The following DNHD1 variants were observed in gnomAD, a reference collection of about 807,000 sequenced individuals.
DNHD1 encodes dynein heavy chain domain 1, also known as dynein heavy chain domain-containing protein 1.
DNHD1 carries 383 observed loss-of-function variants against 458.1 expected under a neutral mutation model. The observed-to-expected ratio is 0.84, with a 90% CI of 0.77 to 0.91. The LOEUF is 0.91. DNHD1 is among the 40% of genes least tolerant of loss of function. The probability of loss-of-function intolerance (pLI) is 0.00; values close to 1 mark genes in which losing one functional copy is unlikely to be tolerated. For synonymous variants in DNHD1, 2,203 were observed against 2,376.9 expected (o/e 0.93, Z 2.13); for missense variants, 5,336 against 5,866.1 (o/e 0.91, Z 2.95).
chr11:6,538,912 T>TACCCAAGTTTCTCCCTACCTTTCCC, intron 16 of DNHD1, 102 bp downstream of exon 16: 1 of 1,183,854 alleles, frequency 8.4e-7, no homozygotes, highest in African/African-American at 1.5e-5. Flanking sequence ...ACACCTTTCA[T>TACCCAAGTTTCTCCCTACCTTTCCC]CCCCAAGTTT....
chr11:6,555,056 A>T (rs1853433384), intron 24 of DNHD1, among the ~76,000 whole-genome samples: 1 of 152,200 alleles, frequency 6.6e-6, no homozygotes, highest in African/African-American at 2.4e-5. Flanking sequence ...TCTCCCACCC[A>T]GCAGACTAGC....
At chr11:6,533,230 C>T (rs770930381) in intron 13 of DNHD1, 46 bp downstream of exon 13, 1 of 1,535,460 alleles carries the variant, frequency 6.5e-7, no homozygotes, top group South Asian at 1.2e-5. Flanking sequence ...AGGGCCCATC[C>T]TGCTCAAAAG....
rs370845209 is a variant in DNHD1 at position 6,499,299 on chromosome 11, A to C, written c.746+338A>C. On this transcript the variant is annotated intron_variant, in intron 3 of 42. Coordinates refer to ENST00000254579, the MANE Select transcript of DNHD1 (RefSeq NM_144666.3). ...CAGAAGTCTCCTTAATTATTTTTCT[A>C]TAATTCATTCATAATCACTGAACAT... Among the ~76,000 whole-genome samples the C allele has an allele frequency of 7.8e-4, 119 of 152,282 alleles. 1 individual carries two copies. The highest frequency in any genetic ancestry group is 2.7e-3 in the African/African-American group (113 of 41,558).
chr11:6,564,695 T>C lies in DNHD1; in HGVS notation c.10647T>C (p.Ser3549=), dbSNP rs1853659690. 6.4e-7 allele frequency: 1 copy of C among 1,551,066 alleles called. No individual in the cohort carries two copies. The highest frequency in any genetic ancestry group is 1.2e-5 in the South Asian group (1 of 84,060). ...TGCGAAGCCCCACACACTACAGTAG[T>C]TGCCGTTGGCCTCTGCTGCTTGACC... ...LLLRSPTHYS[S]CRWPLLLDPS... is the part of the protein sequence containing the mutation. Residue 3549 remains serine (S), a synonymous_variant, in exon 32 of 43, where the codon AGT becomes AGC. Transcript: ENST00000254579.
intron 7 of DNHD1, among the ~76,000 whole-genome samples, chr11:6,517,210 T>C (rs989663268): frequency 6.6e-6 from 1 of 152,230 alleles, no homozygotes; most frequent in African/African-American, 2.4e-5. Flanking sequence ...ACTTGATAGA[T>C]GTATACATTG....
chr11:6,511,217 G>T, intron 6 of DNHD1, 56 bp from the exon 7 acceptor site: 1 of 1,595,410 alleles, frequency 6.3e-7, no homozygotes, highest in Non-Finnish European at 8.5e-7. Context: ...AGAGGTCAAA[G>T]GTATCCAAGG....
chr11:6,519,642 C>A lies in DNHD1; in HGVS notation c.1435C>A (p.Arg479=). Residue 479 remains arginine (R), a synonymous_variant, in exon 8 of 43, where the codon CGA becomes AGA. Coordinates refer to ENST00000254579, the MANE Select transcript of DNHD1 (RefSeq NM_144666.3). ...TYHMQQCLQE[R]VQNCDRIRTG... ...CCACATGCAACAGTGCCTACAGGAG[C>A]GAGTACAAAACTGTGACAGGATCAG... 1 of 1,614,122 alleles carries A rather than the reference C, an allele frequency of 6.2e-7. No individual in the cohort carries two copies. The highest frequency in any genetic ancestry group is 8.5e-7 in the Non-Finnish European group (1 of 1,180,022).
chr11:6,532,532 T>C (rs1329556727), intron 12 of DNHD1, among the ~76,000 whole-genome samples: 4 of 152,228 alleles, frequency 2.6e-5, no homozygotes, highest in African/African-American at 9.6e-5. Flanking sequence ...TTATGTCTGC[T>C]AGGATACTCT....
chr11:6,563,826 G>C lies in DNHD1; in HGVS notation c.9986G>C (p.Trp3329Ser). 1 of 1,551,696 alleles carries C rather than the reference G, an allele frequency of 6.4e-7. No homozygotes were observed. The highest frequency in any genetic ancestry group is 1.4e-5 in the African/African-American group (1 of 73,190). ...CGACCTGCAGCCAGCCTGGCAGCCT[G>C]GCTCTGGGCTGTTCTGCACTATGGG... ...VSRPAASLAA[W>S]LWAVLHYGLA... Residue 3329 changes from tryptophan to serine, a missense_variant, in exon 31 of 43, where the codon TGG becomes TCG. By Grantham distance (177) the Trp-to-Ser change is radical (BLOSUM62 -3). Around this residue, in one of 4 missense-constraint regions of DNHD1, gnomAD observed 3,932 missense variants for 4,365.6 expected, o/e 0.90. Coordinates refer to ENST00000254579, the MANE Select transcript of DNHD1 (RefSeq NM_144666.3).
intron 4 of DNHD1, among the ~76,000 whole-genome samples, chr11:6,504,557 C>T (rs1018950324): frequency 2.6e-5 from 4 of 152,232 alleles, no homozygotes; most frequent in African/African-American, 9.6e-5. Flanking sequence ...TCAAGCGATT[C>T]TCTTGCCTCA....
rs916559031 is a variant in DNHD1 at position 6,568,190 on chromosome 11, T to C, written c.12486T>C (p.His4162=). 4.5e-6 allele frequency: 7 copies of C among 1,552,514 alleles called. No homozygotes were observed. In the African/African-American group the frequency reaches 8.2e-5, roughly 18 times the overall value. The change falls in exon 37 of 43, where the codon CAT becomes CAC. Residue 4162 remains histidine, a synonymous_variant. Coordinates refer to ENST00000254579, the MANE Select transcript of DNHD1 (RefSeq NM_144666.3). ...TGGACAACTGTCATCTGATGCCCCATTGGCCGAAAGAGCTGCTACAGCTCT... is the reference window on the plus strand; with the variant it reads ...TGGACAACTGTCATCTGATGCCCCACTGGCCGAAAGAGCTGCTACAGCTCT... ...LVLDNCHLMP[H]WPKELLQLLL...
Position 6,516,912 on chromosome 11 carries a change from C to A in DNHD1, c.1393-2688C>A, listed in dbSNP as rs201354781. 4.9e-3 allele frequency among the ~76,000 whole-genome samples: 747 copies of A among 152,284 alleles called. 5 individuals are homozygous for A. Among genetic ancestry groups the A allele is most frequent in the African/African-American group, 0.017 (716 of 41,544 alleles). On this transcript the variant is annotated intron_variant, in intron 7 of 42. Coordinates refer to ENST00000254579, the MANE Select transcript of DNHD1 (RefSeq NM_144666.3). ...TATTGGTATCTCCTGGAATCTTCTT[C>A]AAGATTGTTATGAACATTCTTGTTT...
In DNHD1 at chr11:6,559,101, C is replaced by A; in HGVS notation, c.9411C>A (p.Ala3137=). 1 of 1,551,670 alleles carries A rather than the reference C, an allele frequency of 6.4e-7. No homozygotes were observed. Among genetic ancestry groups the A allele is most frequent in the Non-Finnish European group, 8.7e-7 (1 of 1,146,984 alleles). ...CAATCCTGAAGATTAAGAACAAGGCCCAGCGGTGAGTGTCCCGTCCCCTGC... is the reference window on the plus strand; with the variant it reads ...CAATCCTGAAGATTAAGAACAAGGCACAGCGGTGAGTGTCCCGTCCCCTGC... ...QQTILKIKNK[A]QRVQNALENL... The change falls in exon 27 of 43, where the codon GCC becomes GCA. Residue 3137 remains alanine, a synonymous_variant. Transcript: ENST00000254579.
chr11:6,514,154 A>C lies in DNHD1; in HGVS notation c.1392+2725A>C, dbSNP rs190774084. On this transcript the variant is annotated intron_variant, in intron 7 of 42. Coordinates refer to ENST00000254579, the MANE Select transcript of DNHD1 (RefSeq NM_144666.3). ...AGTCTGGCTGTGTCTCCCAGGCTGG[A>C]GTGCAGTGGTGTGATCTCAGCTCAC... 2.6e-5 allele frequency among the ~76,000 whole-genome samples: 4 copies of C among 152,126 alleles called. No homozygotes were observed. In the East Asian group the frequency reaches 7.7e-4, roughly 29 times the overall value.
rs768469948 is a variant in DNHD1 at position 6,570,023 on chromosome 11, T to G, written c.12878T>G (p.Leu4293Arg). Residue 4293 changes from leucine (L) to arginine (R), a missense_variant, in exon 40 of 43, where the codon CTA (leucine) becomes CGA (arginine). Transcript: ENST00000254579. ...CCCTTCTCTAGGAGTCAAGTGACTC[T>G]AACCCAGGTTCTTCAGACCCAAGAC... ...AHRGRWSQVT[L>R]TQVLQTQDQL... 6.2e-7 allele frequency: 1 copy of G among 1,613,922 alleles called. No homozygotes were observed. The highest frequency in any genetic ancestry group is 2.2e-5 in the East Asian group (1 of 44,886).
chr11:6,566,195 T>C lies in DNHD1; in HGVS notation c.11054-46T>C, dbSNP rs908379141. 6.5e-6 allele frequency: 10 copies of C among 1,543,282 alleles called. No individual in the cohort carries two copies. In the African/African-American group the frequency reaches 1.2e-4, roughly 19 times the overall value. On this transcript the variant is annotated intron_variant, in intron 33 of 42. Coordinates refer to ENST00000254579, the MANE Select transcript of DNHD1 (RefSeq NM_144666.3). ...CCTCGTGCCTGGGGAATGGGGATCA[T>C]GGGTGCTGGCATTGTGGGTAGGGTG...
rs1589892096 is a variant in DNHD1 at position 6,557,700 on chromosome 11, C to T, written c.8405C>T (p.Pro2802Leu). ...AAACCCCAGATGGACCTGATCTCAC[C>T]CTTGTTGTTACCAGTGTTACTACTA... ...QKKPQMDLIS[P>L]LLLPVLLLHP... is the part of the protein sequence containing the mutation. Residue 2802 changes from proline (P) to leucine (L), a missense_variant, in exon 25 of 43, where the codon CCC becomes CTC. Physicochemically the swap from Pro to Leu is moderately conservative, Grantham distance 98 (BLOSUM62 -3). This residue lies in a region of DNHD1 where 3,932 missense variants were observed against 4,365.6 expected (regional missense o/e 0.90). Transcript: ENST00000254579. 6.4e-7 allele frequency: 1 copy of T among 1,551,702 alleles called. No individual in the cohort carries two copies. Among genetic ancestry groups the T allele is most frequent in the Non-Finnish European group, 8.7e-7 (1 of 1,146,986 alleles).
intron 14 of DNHD1, among the ~76,000 whole-genome samples, chr11:6,536,078 G>A (rs138652771): frequency 1.1e-3 from 168 of 152,240 alleles, no homozygotes; most frequent in Non-Finnish European, 5.6e-4. Context: ...TAGTAGTCCA[G>A]CTGAGAATGA....
At chr11:6,552,482 C>G (rs983006045) in intron 24 of DNHD1, among the ~76,000 whole-genome samples, 1 of 152,044 alleles carries the variant, frequency 6.6e-6, no homozygotes, top group Non-Finnish European at 1.5e-5. Context: ...CAGGATCACG[C>G]CATTGCACTC....
Sources: gnomAD v4.1 joint callset for allele counts (sites outside exome capture counted in the v4.1 genomes callset) on GRCh38, gnomAD v4.1.1 for gene constraint, gnomAD v4.1.1 regional missense constraint, MANE v1.5 for transcripts, NCBI Gene and HGNC (gene_info 2026-07-23, HGNC 2026-07-21) for gene names.